DNAJC11: variants seen among roughly 807,000 people sequenced by gnomAD.
DNAJC11 encodes dnaJ homolog subfamily C member 11.
DNAJC11 carries 15 observed loss-of-function variants against 78.6 expected under a neutral mutation model. That is an observed-to-expected ratio of 0.19 (90% CI 0.13 to 0.29). The LOEUF is 0.29. DNAJC11 is among the 10% of genes least tolerant of loss of function. The pLI is 1.00. For missense variants in DNAJC11, 547 were observed against 709.6 expected (o/e 0.77, Z 2.60); for synonymous variants, 292 against 272.1 (o/e 1.07, Z -0.72).
chr1:6,635,605 TCA>T lies in DNAJC11; in HGVS notation c.*68_*69del. 1.3e-6 allele frequency: 2 copies of T among 1,549,908 alleles called. No individual in the cohort carries two copies. Among genetic ancestry groups the T allele is most frequent in the Admixed American group, 1.8e-5 (1 of 55,338 alleles). On this transcript the variant is annotated 3_prime_UTR_variant, in exon 16 of 16. Transcript: ENST00000377577. ...AAAAACATCTGATGTCTGGGTTTTT[TCA>T]TTTCCAAATTTGTAGACTCCCAGGA... is the stretch of plus-strand genomic sequence containing the variant.
At chr1:6,685,827 A>G (rs1393050007) in intron 1 of DNAJC11, among the ~76,000 whole-genome samples, 1 of 152,198 alleles carries the variant, frequency 6.6e-6, no homozygotes, top group Non-Finnish European at 1.5e-5. Context: ...TTTAGTTACA[A>G]TATCATTGTT....
At chr1:6,647,772 G>A (rs1017313921) in intron 7 of DNAJC11, among the ~76,000 whole-genome samples, 61 of 152,154 alleles carry the variant, frequency 4.0e-4, no homozygotes, top group African/African-American at 1.4e-3. Flanking sequence ...CCAAGACTGC[G>A]CCACTGCACT....
chr1:6,634,172 C>A lies in DNAJC11; in HGVS notation c.*1503G>T. On this transcript the variant is annotated 3_prime_UTR_variant, in exon 16 of 16. Transcript: ENST00000377577. ...ATACACGGAAGAGCGCCAGCCTCTG[C>A]TTTCAGGAAAGGTTTATTGTGGTGA... The A allele has an allele frequency of 7.6e-7, 1 of 1,315,832 alleles. No individual in the cohort carries two copies. The highest frequency in any genetic ancestry group is 1.1e-6 in the Non-Finnish European group (1 of 926,848). 81.5% of individuals were successfully genotyped at this position (1,315,832 alleles called of 1,614,324 possible).
intron 11 of DNAJC11, 33 bp downstream of exon 11, chr1:6,639,869 G>A: frequency 6.2e-7 from 1 of 1,603,658 alleles, no homozygotes; most frequent in East Asian, 2.2e-5. Context: ...GCACAGGGCT[G>A]GCTAGTGACA....
chr1:6,665,990 A>G (rs1417636860), intron 4 of DNAJC11, among the ~76,000 whole-genome samples: 1 of 152,070 alleles, frequency 6.6e-6, no homozygotes, highest in Non-Finnish European at 1.5e-5. Context: ...TCTCCCAATT[A>G]TCCTAAACTC....
chr1:6,636,771 T>C (rs772534864), intron 14 of DNAJC11, among the ~76,000 whole-genome samples: 1 of 152,078 alleles, frequency 6.6e-6, no homozygotes, highest in Admixed American at 6.5e-5. Context: ...TCCCACACAG[T>C]AGATGCTGAT....
At chr1:6,664,490 G>A (rs1193762491) in intron 4 of DNAJC11, among the ~76,000 whole-genome samples, 2 of 151,948 alleles carry the variant, frequency 1.3e-5, no homozygotes, top group South Asian at 2.1e-4. Context: ...CACCTGCCTC[G>A]GCCTCCCAAA....
In DNAJC11 at chr1:6,636,145, G is replaced by A; in HGVS notation, c.1626C>T (p.Asp542=). 4.3e-6 allele frequency: 7 copies of A among 1,614,160 alleles called. No homozygotes were observed. Among genetic ancestry groups the A allele is most frequent in the Non-Finnish European group, 5.9e-6 (7 of 1,180,022 alleles). The change falls in exon 15 of 16, where the codon GAC becomes GAT. Residue 542 remains aspartate (D), a synonymous_variant. Transcript: ENST00000377577. ...GCTTTGGTATCCGGAGGGCCTCACTGTCCAGCACCATCACCTGATGCAGGA... is the reference window on the plus strand; with the variant it reads ...GCTTTGGTATCCGGAGGGCCTCACTATCCAGCACCATCACCTGATGCAGGA... ...RGVLHQVMVL[D]SEALRIPKQS...
At chr1:6,668,455 T>C (rs772591361) in intron 3 of DNAJC11, among the ~76,000 whole-genome samples, 4 of 152,068 alleles carry the variant, frequency 2.6e-5, no homozygotes, top group Non-Finnish European at 4.4e-5. Flanking sequence ...AATTTCATAG[T>C]GTAAATTTCC....
intron 7 of DNAJC11, among the ~76,000 whole-genome samples, chr1:6,649,503 C>T (rs1642021584): frequency 6.6e-6 from 1 of 152,142 alleles, no homozygotes; most frequent in South Asian, 2.1e-4. Flanking sequence ...GCGGCCTCCG[C>T]CTGCCCCACA....
At chr1:6,642,567 C>A (rs536709565) in intron 10 of DNAJC11, among the ~76,000 whole-genome samples, 1 of 152,228 alleles carries the variant, frequency 6.6e-6, no homozygotes, top group East Asian at 1.9e-4. Flanking sequence ...AGGCTGGGCG[C>A]TGTGGCTCAC....
intron 4 of DNAJC11, among the ~76,000 whole-genome samples, chr1:6,658,849 G>A (rs548482901): frequency 6.6e-6 from 1 of 152,248 alleles, no homozygotes; most frequent in East Asian, 1.9e-4. Flanking sequence ...CTGCCCCCCT[G>A]GCCAGCAGAT....
Position 6,671,154 on chromosome 1 carries a change from A to G in DNAJC11, c.277-3344T>C, listed in dbSNP as rs1642374083. ...GTCTGAATGCAGACAGTTCCTCTAC[A>G]TAGCTCAGAGGATGCAGGATGTTCC... On this transcript the variant is annotated intron_variant, in intron 3 of 15. Transcript: ENST00000377577. Among the ~76,000 whole-genome samples the G allele has an allele frequency of 2.6e-5, 4 of 152,350 alleles. No homozygotes were observed. The South Asian group carries it at 8.3e-4, about 32-fold the overall frequency.
At chr1:6,673,625 G>C (rs944395531) in intron 3 of DNAJC11, among the ~76,000 whole-genome samples, 6 of 152,128 alleles carry the variant, frequency 3.9e-5, no homozygotes, top group African/African-American at 1.4e-4. Context: ...TATAACCATG[G>C]AAGAGCTCTC....
chr1:6,656,520 T>A (rs1452345085), intron 4 of DNAJC11, among the ~76,000 whole-genome samples: 3 of 152,026 alleles, frequency 2.0e-5, no homozygotes, highest in Admixed American at 2.0e-4. Context: ...TATGAAGAAA[T>A]TTAGAATTGA....
chr1:6,682,367 C>T (rs375812157), intron 1 of DNAJC11, among the ~76,000 whole-genome samples: 10 of 152,108 alleles, frequency 6.6e-5, no homozygotes, highest in Non-Finnish European at 1.3e-4. Context: ...GGTATTTGTG[C>T]GAGTTTATCA....
At chr1:6,674,358 C>T (rs921564748) in intron 3 of DNAJC11, among the ~76,000 whole-genome samples, 3 of 151,950 alleles carry the variant, frequency 2.0e-5, no homozygotes, top group Non-Finnish European at 4.4e-5. Flanking sequence ...GTCAGGAGTT[C>T]GAGACCAGCT....
intron 1 of DNAJC11, among the ~76,000 whole-genome samples, chr1:6,691,951 A>G (rs1158125884): frequency 8.5e-5 from 13 of 152,266 alleles, no homozygotes; most frequent in African/African-American, 3.1e-4. Flanking sequence ...ATCCTTTCTT[A>G]AACAAAGGTG....
At position 6,639,993 on chromosome 1, in the gene DNAJC11, C is replaced by A; in HGVS notation, c.1162G>T (p.Ala388Ser). 1.3e-6 allele frequency: 2 copies of A among 1,598,750 alleles called. No homozygotes were observed. The highest frequency in any genetic ancestry group is 1.7e-6 in the Non-Finnish European group (2 of 1,172,934). The part of the protein sequence containing the change: ...IHLTDQLLPS[A>S]MFYATVGPLV... ...GGCCCCACGGTGGCATAGAACATGG[C>A]GCTGGGCAGAAGCTGGTCCGTCAAG... Residue 388 changes from alanine to serine, a missense_variant, in exon 11 of 16, where the codon GCC becomes TCC. Coordinates refer to ENST00000377577, the MANE Select transcript of DNAJC11 (RefSeq NM_018198.4).
Sources: allele counts gnomAD v4.1 joint callset (sites outside exome capture counted in the v4.1 genomes callset), GRCh38; gene constraint gnomAD v4.1.1; transcripts MANE v1.5; gene names NCBI Gene and HGNC (gene_info 2026-07-23, HGNC 2026-07-21).